NCAM1: variants seen among roughly 807,000 people sequenced by gnomAD.
The protein encoded by NCAM1 is neural cell adhesion molecule 1, also known as antigen recognized by monoclonal antibody 5.1H11.
NCAM1 carries 14 observed loss-of-function variants against 109.8 expected under a neutral mutation model. The ratio of observed to expected loss-of-function variants is 0.13; its 90% CI spans 0.08 to 0.20. NCAM1 has a LOEUF of 0.20. Among genes scored for constraint, NCAM1 ranks in the 10% least tolerant of loss-of-function variants. The pLI is 1.00. For missense variants in NCAM1, 774 were observed against 1,109.9 expected, an observed-to-expected ratio of 0.70 and a Z score of 4.30; for synonymous variants, 418 against 442.9, an observed-to-expected ratio of 0.94 and a Z score of 0.70.
At chr11:113,068,060 G>A (rs567521314) in intron 1 of NCAM1, among the ~76,000 whole-genome samples, 58 of 151,970 alleles carry the variant, frequency 3.8e-4, no homozygotes, top group Non-Finnish European at 7.1e-4. Flanking sequence ...ACGGGCACCC[G>A]CCACCATGCC....
intron 1 of NCAM1, among the ~76,000 whole-genome samples, chr11:113,013,917 G>T (rs1555074895): frequency 1.3e-5 from 2 of 152,178 alleles, no homozygotes; most frequent in Non-Finnish European, 1.5e-5. Flanking sequence ...CCAAGATTTT[G>T]ATACATGATA....
chr11:113,068,807 C>T (rs1021854926), intron 1 of NCAM1, among the ~76,000 whole-genome samples: 47 of 152,188 alleles, frequency 3.1e-4, no homozygotes, highest in African/African-American at 1.1e-3. Context: ...TTAGTCTATT[C>T]AGTTGTATTG....
rs782054016 is a variant in NCAM1 at position 113,242,795 on chromosome 11, G to C, written c.1826-3573G>C. On this transcript the variant is annotated intron_variant, in intron 14 of 19. Transcript: ENST00000316851. Reference sequence around the variant, plus strand: ...TTTCTTTGCCTTTTCTGTCTGTCGTGTTTCCATAGCAACTTGGCCTCTTCC... The same window carrying C: ...TTTCTTTGCCTTTTCTGTCTGTCGTCTTTCCATAGCAACTTGGCCTCTTCC... 6.8e-6 allele frequency: 11 copies of C among 1,612,968 alleles called. No individual in the cohort carries two copies. The South Asian group carries it at 1.2e-4, about 18-fold the overall frequency.
intron 14 of NCAM1, among the ~76,000 whole-genome samples, chr11:113,238,515 T>C (rs1049020442): frequency 6.6e-6 from 1 of 152,176 alleles, no homozygotes; most frequent in African/African-American, 2.4e-5. Flanking sequence ...ACAGATATCA[T>C]TGGGAGGATG....
intron 6 of NCAM1, 98 bp from the exon 7 acceptor site, chr11:113,207,735 C>G: frequency 7.7e-7 from 1 of 1,299,598 alleles, no homozygotes; most frequent in Non-Finnish European, 1.1e-6. Context: ...AGGAGTCTTT[C>G]CCATTGACTC....
intron 1 of NCAM1, among the ~76,000 whole-genome samples, chr11:113,167,687 T>TC (rs1942850739): frequency 6.6e-6 from 1 of 152,088 alleles, no homozygotes; most frequent in Non-Finnish European, 1.5e-5. Context: ...AGAAGTGAGG[T>TC]CCCACTCCAG....
intron 1 of NCAM1, among the ~76,000 whole-genome samples, chr11:113,104,902 T>C (rs1940082932): frequency 6.6e-6 from 1 of 152,240 alleles, no homozygotes; most frequent in Non-Finnish European, 1.5e-5. Flanking sequence ...CTAGGAATAT[T>C]TTAATCAAAT....
intron 1 of NCAM1, among the ~76,000 whole-genome samples, chr11:113,202,071 A>G (rs1004333293): frequency 6.6e-6 from 1 of 152,184 alleles, no homozygotes; most frequent in Non-Finnish European, 1.5e-5. Flanking sequence ...GGTTGGAAAC[A>G]TTTAGTGCAG....
chr11:113,259,302 C>T (rs935183847), intron 16 of NCAM1, among the ~76,000 whole-genome samples: 6 of 152,180 alleles, frequency 3.9e-5, no homozygotes, highest in East Asian at 3.9e-4. Context: ...CCGCCCGCCT[C>T]GGCCTCCCAA....
At chr11:113,195,455 C>CCACA (rs10642528) in intron 1 of NCAM1, among the ~76,000 whole-genome samples, 2,064 of 141,538 alleles carry the variant, frequency 0.015, 39 homozygotes, top group African/African-American at 0.043. Context: ...TAAATACACA[C>CCACA]CACACACACA....
At chr11:113,202,531 G>A (rs1184188680) in intron 2 of NCAM1, 78 bp downstream of exon 2, 5 of 1,317,222 alleles carry the variant, frequency 3.8e-6, no homozygotes, top group Non-Finnish European at 5.2e-6. Context: ...CTCAGGCCAT[G>A]TGAGCTGGCT....
At chr11:113,025,875 G>A (rs1555077220) in intron 1 of NCAM1, among the ~76,000 whole-genome samples, 2 of 150,910 alleles carry the variant, frequency 1.3e-5, no homozygotes, top group African/African-American at 4.9e-5. Context: ...AATCAGCGTG[G>A]GTTGGCTGCT....
intron 1 of NCAM1, among the ~76,000 whole-genome samples, chr11:113,105,765 G>A (rs146662079): frequency 2.8e-4 from 42 of 152,278 alleles, no homozygotes; most frequent in African/African-American, 8.9e-4. Context: ...AGCTAGGCAG[G>A]GAGAATAGGG....
At chr11:113,239,102 C>A (rs1203428295) in intron 14 of NCAM1, among the ~76,000 whole-genome samples, 5 of 152,196 alleles carry the variant, frequency 3.3e-5, no homozygotes, top group African/African-American at 1.2e-4. Flanking sequence ...TTAATGGACT[C>A]TTGTTTTCAA....
At chr11:113,016,529 G>C (rs1952209273) in intron 1 of NCAM1, among the ~76,000 whole-genome samples, 1 of 152,192 alleles carries the variant, frequency 6.6e-6, no homozygotes, top group Non-Finnish European at 1.5e-5. Flanking sequence ...AGGAATACTT[G>C]TCATGCGGTG....
At chr11:113,236,966 C>T (rs1945185773) in intron 14 of NCAM1, among the ~76,000 whole-genome samples, 1 of 152,178 alleles carries the variant, frequency 6.6e-6, no homozygotes, top group Non-Finnish European at 1.5e-5. Flanking sequence ...ATCTCTAGTT[C>T]CGGTCAGCTC....
intron 7 of NCAM1, among the ~76,000 whole-genome samples, chr11:113,210,883 CAG>C (rs1555113588): frequency 6.6e-6 from 1 of 151,612 alleles, no homozygotes; most frequent in Admixed American, 6.6e-5. Context: ...GTGGGGCAAA[CAG>C]AGAAGAGGTG....
intron 1 of NCAM1, among the ~76,000 whole-genome samples, chr11:113,155,995 C>T (rs782465402): frequency 1.2e-4 from 18 of 151,574 alleles, no homozygotes; most frequent in Non-Finnish European, 2.2e-4. Context: ...AAAGAGGAGG[C>T]AAGCAGACCA....
intron 1 of NCAM1, among the ~76,000 whole-genome samples, chr11:113,169,838 G>A (rs539691117): frequency 7.2e-5 from 11 of 152,026 alleles, no homozygotes; most frequent in Non-Finnish European, 1.5e-4. Flanking sequence ...TGTTGGTCAG[G>A]CTGGTCTCAA....
Sources: allele counts gnomAD v4.1 joint callset (sites outside exome capture counted in the v4.1 genomes callset), GRCh38; gene constraint gnomAD v4.1.1; transcripts MANE v1.5; gene names NCBI Gene and HGNC (gene_info 2026-07-23, HGNC 2026-07-21).